Variants in ATG13 observed in about 807,000 individuals in gnomAD.
ATG13 encodes the protein autophagy related 13, also known as autophagy-related protein 13.
ATG13 carries 23 observed loss-of-function variants against 65.5 expected under a neutral mutation model. That is an observed-to-expected ratio of 0.35 (90% CI 0.25 to 0.50). The LOEUF (loss-of-function observed/expected upper bound fraction) is 0.50. ATG13 is among the 20% of genes least tolerant of loss of function. The pLI, the probability that ATG13 is intolerant of heterozygous loss-of-function variation, is 0.98. For missense variants in ATG13, 566 were observed against 677.0 expected, an observed-to-expected ratio of 0.84 and a Z score of 1.82; for synonymous variants, 252 against 245.2, an observed-to-expected ratio of 1.03 and a Z score of -0.26.
At chr11:46,630,624 G>A (rs1219214155) in intron 2 of ATG13, among the ~76,000 whole-genome samples, 1 of 136,994 alleles carries the variant, frequency 7.3e-6, no homozygotes, top group Non-Finnish European at 1.5e-5. Flanking sequence ...CTGGAATGCA[G>A]TGGAGTGGTG....
At chr11:46,656,849 G>C (rs1422685965) in intron 8 of ATG13, 4 of 484,532 alleles carry the variant, frequency 8.3e-6, no homozygotes, top group Non-Finnish European at 1.5e-5. Flanking sequence ...ATAGAGTGCT[G>C]TTTCCCTTGC....
At chr11:46,642,791 G>C (rs1316502230) in intron 2 of ATG13, among the ~76,000 whole-genome samples, 1 of 152,186 alleles carries the variant, frequency 6.6e-6, no homozygotes, top group Non-Finnish European at 1.5e-5. Flanking sequence ...CTCTGATTGT[G>C]TCACTTCCTC....
At chr11:46,650,046 C>T in intron 6 of ATG13, 131 bp from the exon 7 acceptor site, 2 of 986,518 alleles carry the variant, frequency 2.0e-6, no homozygotes, top group Non-Finnish European at 2.8e-6. Flanking sequence ...ATTGGCTTAC[C>T]TCAGTAATCT....
chr11:46,664,985 T>C, intron 13 of ATG13, 26 bp downstream of exon 13: 1 of 1,599,996 alleles, frequency 6.3e-7, no homozygotes, highest in Non-Finnish European at 8.6e-7. Context: ...GGGAGGACTA[T>C]GGGTTTCCAG....
At chr11:46,624,950 G>C (rs951985308) in intron 1 of ATG13, among the ~76,000 whole-genome samples, 4 of 152,020 alleles carry the variant, frequency 2.6e-5, no homozygotes, top group Admixed American at 2.0e-4. Context: ...GAGCCTGGGA[G>C]GTCCAGGCTG....
chr11:46,669,878 C>T lies in ATG13; in HGVS notation c.1575+346C>T, dbSNP rs1254023585. Among the ~76,000 whole-genome samples the T allele has an allele frequency of 2.6e-5, 4 of 152,160 alleles. No homozygotes were observed. The East Asian group carries it at 7.7e-4, about 29-fold the overall frequency. Reference sequence around the variant, plus strand: ...CCAGGCAGATGCCAGTGGTACTGGGCAGAGGAGATTGTGAGGTCCTGAGTA... The same window carrying T: ...CCAGGCAGATGCCAGTGGTACTGGGTAGAGGAGATTGTGAGGTCCTGAGTA... On this transcript the variant is annotated intron_variant, in intron 18 of 18. Transcript: ENST00000683050.
At chr11:46,620,832 A>G (rs1280663144) in intron 1 of ATG13, among the ~76,000 whole-genome samples, 2 of 152,234 alleles carry the variant, frequency 1.3e-5, no homozygotes, top group Non-Finnish European at 1.5e-5. Flanking sequence ...GGGTCTCCTC[A>G]GTAAAAGTAA....
chr11:46,623,246 A>G (rs1377008936), intron 1 of ATG13, among the ~76,000 whole-genome samples: 1 of 152,034 alleles, frequency 6.6e-6, no homozygotes, highest in Non-Finnish European at 1.5e-5. Context: ...GTGAGCCGAG[A>G]TTGTGCCACT....
Position 46,672,408 on chromosome 11 carries a change from C to G in ATG13, c.*76C>G. On this transcript the variant is annotated 3_prime_UTR_variant, in exon 19 of 19. Transcript: ENST00000683050. Reference sequence around the variant, plus strand: ...AGCAGCCTCCCATGCATCAGCTGCTCCCACCCCTCATCCTGCTCTGAGCCA... The same window carrying G: ...AGCAGCCTCCCATGCATCAGCTGCTGCCACCCCTCATCCTGCTCTGAGCCA... 1.2e-6 allele frequency: 2 copies of G among 1,610,238 alleles called. No individual in the cohort carries two copies. Among genetic ancestry groups the G allele is most frequent in the Non-Finnish European group, 1.7e-6 (2 of 1,177,578 alleles).
rs150799521 is a variant in ATG13 at position 46,674,279 on chromosome 11, C to G, written c.*1947C>G. The G allele has an allele frequency of 6.6e-6, 1 of 152,192 alleles. No homozygotes were observed. Among genetic ancestry groups the G allele is most frequent in the East Asian group, 1.9e-4 (1 of 5,180 alleles). The allele number at this position is 152,192 out of a possible 1,614,324, so 9.4% of individuals were successfully genotyped here. On this transcript the variant is annotated 3_prime_UTR_variant, in exon 19 of 19. Coordinates refer to ENST00000683050, the MANE Select transcript of ATG13 (RefSeq NM_001346311.2). ...GTCTCAGCCATGACTTTGAGCTGAG[C>G]TTGGGAGAAGTAAAGCAACTGTTAA...
intron 11 of ATG13, among the ~76,000 whole-genome samples, chr11:46,663,176 G>A (rs1273282370): frequency 2.8e-5 from 4 of 141,424 alleles, no homozygotes; most frequent in African/African-American, 5.2e-5. Flanking sequence ...TGAGGCAGGA[G>A]AATGGCGTGA....
At chr11:46,636,213 T>C (rs1263067672) in intron 2 of ATG13, among the ~76,000 whole-genome samples, 1 of 152,164 alleles carries the variant, frequency 6.6e-6, no homozygotes, top group Non-Finnish European at 1.5e-5. Flanking sequence ...ACATCTTTTA[T>C]TTCTCCTTCA....
intron 3 of ATG13, among the ~76,000 whole-genome samples, chr11:46,644,585 A>AT (rs199576150): frequency 0.14 from 20,145 of 143,978 alleles, 1,437 homozygotes; most frequent in Non-Finnish European, 0.17. Flanking sequence ...CAAAAAAAAA[A>AT]TTTTTTTTTT....
rs544947247 is a variant in ATG13 at position 46,661,340 on chromosome 11, AC to A, written c.789+1861del. ...AGACCAGCCTGGCCAACATGGTGAA[AC>A]CCCCCTCTTTACTGAAAATACAAAA... On this transcript the variant is annotated intron_variant, in intron 11 of 18. Coordinates refer to ENST00000683050, the MANE Select transcript of ATG13 (RefSeq NM_001346311.2). Among the ~76,000 whole-genome samples the A allele has an allele frequency of 2.7e-5, 4 of 150,398 alleles. No individual in the cohort carries two copies. The East Asian group carries it at 7.9e-4, about 30-fold the overall frequency.
intron 1 of ATG13, among the ~76,000 whole-genome samples, chr11:46,627,292 T>C (rs185990528): frequency 6.6e-6 from 1 of 151,860 alleles, no homozygotes; most frequent in East Asian, 1.9e-4. Context: ...GGCAGAAGAA[T>C]CACTTGAACT....
chr11:46,625,225 A>C (rs1244149030), intron 1 of ATG13: 1 of 149,316 alleles, frequency 6.7e-6, no homozygotes, highest in East Asian at 2.0e-4. Flanking sequence ...AAAGGCATAC[A>C]GATTTTTTTT....
At chr11:46,630,439 TG>T (rs2051277126) in intron 2 of ATG13, among the ~76,000 whole-genome samples, 1 of 152,076 alleles carries the variant, frequency 6.6e-6, no homozygotes, top group Admixed American at 6.6e-5. Flanking sequence ...GATGAGTGAG[TG>T]GACCAGTTAC....
chr11:46,668,686 T>TA (rs1341053682), intron 16 of ATG13, 108 bp from the exon 17 acceptor site: 15 of 1,490,546 alleles, frequency 1.0e-5, no homozygotes, highest in Non-Finnish European at 1.4e-5. Flanking sequence ...CCCCTCGGCT[T>TA]ACGGGTTTGT....
At chr11:46,645,020 C>T (rs987615830) in intron 3 of ATG13, among the ~76,000 whole-genome samples, 12 of 152,232 alleles carry the variant, frequency 7.9e-5, no homozygotes, top group East Asian at 5.8e-4. Flanking sequence ...CAGTTGGACA[C>T]GTTTCTTTAT....
Sources: allele counts gnomAD v4.1 joint callset (sites outside exome capture counted in the v4.1 genomes callset), GRCh38; gene constraint gnomAD v4.1.1; transcripts MANE v1.5; gene names NCBI Gene and HGNC (gene_info 2026-07-23, HGNC 2026-07-21).